Variants in DHRS12 observed in about 807,000 individuals in gnomAD.
DHRS12 encodes dehydrogenase/reductase 12.
DHRS12 carries 29 observed loss-of-function variants against 32.1 expected under a neutral mutation model. The observed-to-expected ratio is 0.90, with a 90% CI of 0.67 to 1.23. The LOEUF (loss-of-function observed/expected upper bound fraction) is 1.23, where lower values mean the gene tolerates loss of function less well. Ranked by LOEUF, DHRS12 falls within the 50% of genes most tolerant of loss-of-function variation. The probability of loss-of-function intolerance (pLI) is 0.00; values close to 1 mark genes in which losing one functional copy is unlikely to be tolerated. For missense variants in DHRS12, 330 were observed against 337.2 expected (o/e 0.98, Z 0.17); for synonymous variants, 150 against 135.9 (o/e 1.10, Z -0.72).
At chr13:51,769,499 T>C (rs9568662) in intron 7 of DHRS12, among the ~76,000 whole-genome samples, 22,302 of 152,090 alleles carry the variant, frequency 0.15, 1,971 homozygotes, top group Admixed American at 0.22. Context: ...TGATGGAAAG[T>C]GGTGCTCACC....
Position 51,799,552 on chromosome 13 carries a change from G to A in DHRS12, c.108C>T (p.Pro36=), listed in dbSNP as rs1955659212. Residue 36 remains proline (P), a synonymous_variant, in exon 2 of 9, where the codon CCC becomes CCT. Coordinates refer to ENST00000444610, the MANE Select transcript of DHRS12 (RefSeq NM_001377533.1). The part of the protein sequence containing the change: ...EETAALAKQL[P]LKSPSENIFL... Reference sequence around the variant, plus strand: ...TGCTTACCTCGCTTGGCGATTTCAAGGGCAGTTGCTTTGCCAATGCCGCTG... The same window carrying A: ...TGCTTACCTCGCTTGGCGATTTCAAAGGCAGTTGCTTTGCCAATGCCGCTG... 4 of 1,613,684 alleles carry A rather than the reference G, an allele frequency of 2.5e-6. No homozygotes were observed. The highest frequency in any genetic ancestry group is 1.1e-5 in the South Asian group (1 of 91,068).
At chr13:51,769,530 A>G (rs1953916744) in intron 7 of DHRS12, among the ~76,000 whole-genome samples, 1 of 152,060 alleles carries the variant, frequency 6.6e-6, no homozygotes, top group Admixed American at 6.5e-5. Flanking sequence ...TTGAGTCCCC[A>G]TGTCCCCGGG....
intron 7 of DHRS12, 57 bp from the exon 8 acceptor site, chr13:51,769,350 A>C: frequency 7.8e-7 from 1 of 1,279,442 alleles, no homozygotes; most frequent in Non-Finnish European, 1.0e-6. Flanking sequence ...AATGTGGTTG[A>C]CTTCCCTTAA....
downstream of DHRS12, chr13:51,763,942 G>A (rs751168443): frequency 6.6e-6 from 1 of 152,184 alleles, no homozygotes; most frequent in African/African-American, 2.4e-5. Flanking sequence ...CTTTGGTTAT[G>A]GCTGTTCATA....
At chr13:51,762,095 G>A in the DHRS12 span, 4 of 152,204 alleles carry the variant, frequency 2.6e-5, no homozygotes, top group African/African-American at 9.7e-5. Context: ...TGTAATATAG[G>A]ACTGTGTGTT....
At chr13:51,783,170 C>G (rs576771284) in intron 4 of DHRS12, among the ~76,000 whole-genome samples, 1 of 152,308 alleles carries the variant, frequency 6.6e-6, no homozygotes, top group East Asian at 1.9e-4. Flanking sequence ...CATTCTCTCT[C>G]CTTAGGACGG....
downstream of DHRS12, chr13:51,763,180 T>G (rs932294974): frequency 6.6e-6 from 1 of 152,232 alleles, no homozygotes; most frequent in African/African-American, 2.4e-5. Context: ...AATAGCTGTT[T>G]TTGAACATTA....
intron 4 of DHRS12, among the ~76,000 whole-genome samples, chr13:51,787,372 T>C (rs1955006705): frequency 6.6e-6 from 1 of 152,064 alleles, no homozygotes; most frequent in Non-Finnish European, 1.5e-5. Context: ...ACCTTTAAGC[T>C]TCTCTGAGAG....
chr13:51,759,049 G>T, the DHRS12 span, among the ~76,000 whole-genome samples: 6 of 152,132 alleles, frequency 3.9e-5, no homozygotes, highest in African/African-American at 1.4e-4. Flanking sequence ...AGACGTGGTG[G>T]TTCCTGCCTG....
chr13:51,757,237 C>G, the DHRS12 span, among the ~76,000 whole-genome samples: 1 of 152,252 alleles, frequency 6.6e-6, no homozygotes, highest in African/African-American at 2.4e-5. Context: ...TGATTATTTT[C>G]TACTCATCAT....
chr13:51,784,532 TTAAGGAATCTGGATGTTAAAA>T (rs1235981119), intron 4 of DHRS12, among the ~76,000 whole-genome samples: 6 of 152,174 alleles, frequency 3.9e-5, no homozygotes, highest in African/African-American at 1.4e-4. Context: ...TAATTCCAGG[TTAAGGAATCTGGATGTTAAAA>T]CAACATTAGC....
rs1217329376 is a variant in DHRS12, at chr13:51,777,039, CATCCCAT to C, written c.363+14_363+20del. The C allele has an allele frequency of 6.2e-7, 1 of 1,614,006 alleles. No individual in the cohort carries two copies. The highest frequency in any genetic ancestry group is 8.5e-7 in the Non-Finnish European group (1 of 1,180,020). On this transcript the variant is annotated intron_variant, in intron 5 of 8. Coordinates refer to ENST00000444610, the MANE Select transcript of DHRS12 (RefSeq NM_001377533.1). ...GGAGCAAAGTCCATTATCCTCAAAA[CATCCCAT>C]AAGGTCAACTCACCACTCGGGGGTC...
chr13:51,758,243 G>A, the DHRS12 span: 1 of 1,602,126 alleles, frequency 6.2e-7, no homozygotes, highest in Non-Finnish European at 8.5e-7. Context: ...TTGTGCATGT[G>A]CATTTCGATG....
At chr13:51,773,620 G>A (rs11148228) in intron 6 of DHRS12, among the ~76,000 whole-genome samples, 81 of 152,162 alleles carry the variant, frequency 5.3e-4, no homozygotes, top group African/African-American at 1.5e-3. Context: ...ACCGCTCGCC[G>A]TCCTCATTCC....
the DHRS12 span, chr13:51,759,639 G>T: frequency 9.2e-6 from 10 of 1,085,608 alleles, no homozygotes; most frequent in Non-Finnish European, 1.3e-5. Flanking sequence ...GTATGTGGTG[G>T]TTTGTTAAAT....
At chr13:51,769,516 CTGAT>C (rs1002908609) in intron 7 of DHRS12, among the ~76,000 whole-genome samples, 28 of 152,148 alleles carry the variant, frequency 1.8e-4, no homozygotes, top group Non-Finnish European at 3.8e-4. Flanking sequence ...CACCAGAGGC[CTGAT>C]TGAGTCCCCA....
intron 4 of DHRS12, among the ~76,000 whole-genome samples, chr13:51,786,033 G>C (rs1176845900): frequency 6.6e-6 from 1 of 152,194 alleles, no homozygotes; most frequent in Admixed American, 6.5e-5. Context: ...TCTGGACCTG[G>C]GGTCCCTGTG....
At chr13:51,766,755 T>C (rs763873535), downstream of DHRS12, 10 of 152,194 alleles carry the variant, frequency 6.6e-5, no homozygotes, top group Non-Finnish European at 8.8e-5. Flanking sequence ...CAATGCGGAG[T>C]TGCCGCCACG....
At position 51,804,091 on chromosome 13, in the gene DHRS12, C is replaced by G. The variant is rs1955885651; in HGVS notation, c.-46G>C. ...CGCAGCCCCTTGGCGAACCACACGA[C>G]GCTGCGGTACAGGGACATGCCGGGA... is the stretch of plus-strand genomic sequence containing the variant. On this transcript the variant is annotated 5_prime_UTR_variant, in exon 1 of 9. Coordinates refer to ENST00000444610, the MANE Select transcript of DHRS12 (RefSeq NM_001377533.1). The G allele has an allele frequency of 2.0e-6, 3 of 1,494,712 alleles. No homozygotes were observed. Among genetic ancestry groups the G allele is most frequent in the African/African-American group, 2.9e-5 (2 of 69,010 alleles). 92.6% of individuals were successfully genotyped at this position (1,494,712 alleles called of 1,614,324 possible). A position where few individuals can be genotyped will look rare whatever the true frequency, so the allele number is the denominator to read the frequency against.
Sources: gnomAD v4.1 joint callset for allele counts (sites outside exome capture counted in the v4.1 genomes callset) on GRCh38, gnomAD v4.1.1 for gene constraint, MANE v1.5 for transcripts, NCBI Gene and HGNC (gene_info 2026-07-23, HGNC 2026-07-21) for gene names.